The following SEMA3D variants were observed in gnomAD, a reference collection of about 807,000 sequenced individuals.
The protein encoded by SEMA3D is semaphorin 3D.
A neutral mutation model predicts 100.1 loss-of-function variants in SEMA3D; 84 were observed. The observed-to-expected ratio is 0.84, with a 90% CI of 0.70 to 1.01. The LOEUF (loss-of-function observed/expected upper bound fraction) is 1.01, where lower values mean the gene tolerates loss of function less well. Among genes scored for constraint, SEMA3D ranks in the 50% least tolerant of loss-of-function variants. The pLI is 0.00. For synonymous variants in SEMA3D, 312 were observed against 320.7 expected (o/e 0.97, Z 0.29); for missense variants, 875 against 934.1 (o/e 0.94, Z 0.82).
intron 1 of SEMA3D, among the ~76,000 whole-genome samples, chr7:85,173,778 T>G (rs1225836996): frequency 1.3e-5 from 2 of 152,164 alleles, no homozygotes; most frequent in Admixed American, 6.6e-5. Context: ...AATGGGACAC[T>G]GAGATGTAGA....
At chr7:85,067,078 A>G (rs924301471) in intron 7 of SEMA3D, among the ~76,000 whole-genome samples, 1 of 152,176 alleles carries the variant, frequency 6.6e-6, no homozygotes, top group Non-Finnish European at 1.5e-5. Context: ...AATAATAACA[A>G]CAAAGACATT....
intron 2 of SEMA3D, among the ~76,000 whole-genome samples, chr7:85,143,549 T>G (rs1378809322): frequency 6.6e-6 from 1 of 152,050 alleles, no homozygotes; most frequent in African/African-American, 2.4e-5. Context: ...TATCTAAACA[T>G]AGAAGAGATA....
intron 3 of SEMA3D, among the ~76,000 whole-genome samples, chr7:85,108,586 T>C (rs1789000398): frequency 6.6e-6 from 1 of 152,056 alleles, no homozygotes; most frequent in Non-Finnish European, 1.5e-5. Context: ...ATTTTGCTGA[T>C]ACAACTGCAG....
intron 2 of SEMA3D, among the ~76,000 whole-genome samples, chr7:85,128,957 CCA>C (rs1789643596): frequency 6.7e-6 from 1 of 148,994 alleles, no homozygotes. Context: ...AGTGGCATGA[CCA>C]CAGCTCATGG....
chr7:85,071,228 G>A (rs1209100386), intron 6 of SEMA3D, among the ~76,000 whole-genome samples: 1 of 152,160 alleles, frequency 6.6e-6, no homozygotes, highest in African/African-American at 2.4e-5. Flanking sequence ...CCCTTCATCA[G>A]AGTTAGACAA....
At chr7:85,210,872 G>A in the SEMA3D span, among the ~76,000 whole-genome samples, 1 of 151,944 alleles carries the variant, frequency 6.6e-6, no homozygotes, top group East Asian at 1.9e-4. Flanking sequence ...AGTAGGATTA[G>A]GCTAAAGTAT....
At chr7:85,085,201 T>C (rs940576135) in intron 4 of SEMA3D, among the ~76,000 whole-genome samples, 2 of 152,298 alleles carry the variant, frequency 1.3e-5, no homozygotes, top group African/African-American at 4.8e-5. Context: ...CAAATATCTA[T>C]AGATTTTTTC....
chr7:85,058,737 G>T lies in SEMA3D; in HGVS notation c.719-2878C>A, dbSNP rs1325182789. 1.5e-3 allele frequency among the ~76,000 whole-genome samples: 165 copies of T among 110,584 alleles called. 1 individual carries two copies. Among genetic ancestry groups the T allele is most frequent in the African/African-American group, 5.6e-3 (157 of 27,860 alleles). The allele number at this position is 110,584 out of a possible 152,430, so 72.5% of individuals were successfully genotyped here. On this transcript the variant is annotated intron_variant, in intron 8 of 18. Coordinates refer to ENST00000284136, the MANE Select transcript of SEMA3D (RefSeq NM_001384900.1). Reference sequence around the variant, plus strand: ...CACTCCAGCCTGGGCGACAGAGCGAGACTCCACTACAAAAAAAAAAAAAAA... The same window carrying T: ...CACTCCAGCCTGGGCGACAGAGCGATACTCCACTACAAAAAAAAAAAAAAA...
chr7:85,078,733 A>T (rs886582001), intron 5 of SEMA3D, among the ~76,000 whole-genome samples: 4 of 152,098 alleles, frequency 2.6e-5, no homozygotes, highest in African/African-American at 9.7e-5. Flanking sequence ...GCTAACTTTC[A>T]TTAGGGTAAA....
rs191680485 is a variant in SEMA3D at position 85,078,499 on chromosome 7, C to A, written c.375+3018G>T. Among the ~76,000 whole-genome samples the A allele has an allele frequency of 1.7e-4, 26 of 152,238 alleles. 1 individual carries two copies. In the East Asian group the frequency reaches 4.3e-3, roughly 25 times the overall value. On this transcript the variant is annotated intron_variant, in intron 5 of 18. Coordinates refer to ENST00000284136, the MANE Select transcript of SEMA3D (RefSeq NM_001384900.1). ...CCAGGCTACCCTCACCCTGTGGTTTCTTTTGCTTGGAGTAAGCTGTTTAAC... is the reference window on the plus strand; with the variant it reads ...CCAGGCTACCCTCACCCTGTGGTTTATTTTGCTTGGAGTAAGCTGTTTAAC...
In SEMA3D at chr7:85,082,929, C is replaced by T. The variant is rs552545522; in HGVS notation, c.313-1350G>A. On this transcript the variant is annotated intron_variant, in intron 4 of 18. Coordinates refer to ENST00000284136, the MANE Select transcript of SEMA3D (RefSeq NM_001384900.1). ...ACCTTGATAAGGTACACAATGCCGA[C>T]TAGAAAATGCTATTTATTCAGAAAT... Among the ~76,000 whole-genome samples, 3 of 152,238 alleles carry T rather than the reference C, an allele frequency of 2.0e-5. No homozygotes were observed. In the East Asian group the frequency reaches 5.8e-4, roughly 29 times the overall value.
At chr7:85,213,153 C>T in the SEMA3D span, among the ~76,000 whole-genome samples, 532 of 152,096 alleles carry the variant, frequency 3.5e-3, 10 homozygotes, top group African/African-American at 0.012. Context: ...ATATGTTGAA[C>T]ACACTGCTTA....
intron 11 of SEMA3D, 58 bp downstream of exon 11, chr7:85,040,615 A>G (rs1242347044): frequency 5.8e-6 from 5 of 856,760 alleles, no homozygotes; most frequent in Non-Finnish European, 9.7e-6. Flanking sequence ...CTATAACTAT[A>G]TTGGCTTGCA....
intron 1 of SEMA3D, among the ~76,000 whole-genome samples, chr7:85,175,986 T>A (rs367945446): frequency 6.6e-6 from 1 of 152,076 alleles, no homozygotes; most frequent in East Asian, 1.9e-4. Flanking sequence ...GTTATTTTCA[T>A]TTACAAATAA....
At chr7:85,173,766 A>C (rs1287157142) in intron 1 of SEMA3D, among the ~76,000 whole-genome samples, 2 of 152,174 alleles carry the variant, frequency 1.3e-5, no homozygotes, top group African/African-American at 4.8e-5. Context: ...CTCCAATTAA[A>C]AAATGGGACA....
At chr7:85,114,495 C>CT (rs1488550556) in intron 3 of SEMA3D, among the ~76,000 whole-genome samples, 1 of 152,088 alleles carries the variant, frequency 6.6e-6, no homozygotes, top group African/African-American at 2.4e-5. Context: ...GGTGACTACT[C>CT]TATTATTAGC....
At chr7:85,162,684 G>A (rs1316015321) in intron 1 of SEMA3D, among the ~76,000 whole-genome samples, 1 of 152,044 alleles carries the variant, frequency 6.6e-6, no homozygotes, top group Non-Finnish European at 1.5e-5. Context: ...GTACTGGGAG[G>A]GTGAGGAAAA....
intron 9 of SEMA3D, among the ~76,000 whole-genome samples, chr7:85,051,979 T>C (rs1242398598): frequency 2.6e-5 from 4 of 151,966 alleles, no homozygotes; most frequent in African/African-American, 9.7e-5. Flanking sequence ...GGCGATTGTA[T>C]TGGATAGTGC....
chr7:85,183,324 G>C (rs1170415305), intron 1 of SEMA3D, among the ~76,000 whole-genome samples: 1 of 152,144 alleles, frequency 6.6e-6, no homozygotes, highest in Non-Finnish European at 1.5e-5. Context: ...AATAACTGGA[G>C]ACTATGAAAC....
Sources: gnomAD v4.1 joint callset for allele counts (sites outside exome capture counted in the v4.1 genomes callset) on GRCh38, gnomAD v4.1.1 for gene constraint, MANE v1.5 for transcripts, NCBI Gene and HGNC (gene_info 2026-07-23, HGNC 2026-07-21) for gene names.